GOPC: variants seen among roughly 807,000 people sequenced by gnomAD.
GOPC encodes Golgi-associated PDZ and coiled-coil motif-containing protein.
A neutral mutation model predicts 51.2 loss-of-function variants in GOPC; 32 were observed. The observed-to-expected ratio is 0.63, with a 90% confidence interval of 0.47 to 0.84. The LOEUF (loss-of-function observed/expected upper bound fraction) is 0.84. GOPC is among the 40% of genes least tolerant of loss of function. GOPC has a pLI of 0.00. For synonymous variants in GOPC, 190 were observed against 205.1 expected, an observed-to-expected ratio of 0.93 and a Z score of 0.63; for missense variants, 441 against 555.5, an observed-to-expected ratio of 0.79 and a Z score of 2.07.
At chr6:117,581,729 C>T (rs183726223) in intron 1 of GOPC, among the ~76,000 whole-genome samples, 1 of 152,312 alleles carries the variant, frequency 6.6e-6, no homozygotes, top group Non-Finnish European at 1.5e-5. Flanking sequence ...ATTCTACTTT[C>T]CCTCAACTTA....
chr6:117,586,118 T>A (rs1429399649), intron 1 of GOPC, among the ~76,000 whole-genome samples: 1 of 152,202 alleles, frequency 6.6e-6, no homozygotes, highest in Non-Finnish European at 1.5e-5. Context: ...AGGATGAAAG[T>A]ACAGATTGGA....
rs2114594949 is a variant in GOPC, at chr6:117,561,260, A to C, written c.*1994T>G. ...GTGACCTCATAAAAATTCCAACTTG[A>C]AGTTTTAAAAAACCACCTCTTCATA... is the stretch of plus-strand genomic sequence containing the variant. On this transcript the variant is annotated 3_prime_UTR_variant, in exon 9 of 9. Coordinates refer to ENST00000368498, the MANE Select transcript of GOPC (RefSeq NM_020399.4). The C allele has an allele frequency of 4.5e-6, 1 of 223,624 alleles. No homozygotes were observed. The highest frequency in any genetic ancestry group is 8.9e-6 in the Non-Finnish European group (1 of 112,028). The allele number at this position is 223,624 out of a possible 1,614,324, so 13.9% of individuals were successfully genotyped here.
intron 1 of GOPC, among the ~76,000 whole-genome samples, chr6:117,598,842 A>G (rs1364030735): frequency 1.3e-5 from 2 of 152,234 alleles, no homozygotes; most frequent in East Asian, 1.9e-4. Flanking sequence ...CTATAGCACC[A>G]TAAGATGATT....
intron 1 of GOPC, among the ~76,000 whole-genome samples, chr6:117,588,448 G>T (rs1208702808): frequency 5.3e-5 from 8 of 151,874 alleles, no homozygotes; most frequent in Non-Finnish European, 7.4e-5. Context: ...GCTAATTTTT[G>T]TATTTTTAGT....
intron 1 of GOPC, 105 bp from the exon 2 acceptor site, chr6:117,579,169 A>T (rs779475374): frequency 5.8e-5 from 47 of 814,898 alleles, no homozygotes; most frequent in Non-Finnish European, 8.3e-5. Context: ...TTTGAAATAA[A>T]TACACAAACA....
At chr6:117,570,818 T>C (rs757506695) in intron 6 of GOPC, 42 bp downstream of exon 6, 1 of 885,982 alleles carries the variant, frequency 1.1e-6, no homozygotes. Context: ...ATGATTATAC[T>C]AGATAACTGT....
rs994095651 is a variant in GOPC at position 117,562,096 on chromosome 6, T to G, written c.*1158A>C. The G allele has an allele frequency of 4.9e-5, 10 of 205,906 alleles. No individual in the cohort carries two copies. Among genetic ancestry groups the G allele is most frequent in the Non-Finnish European group, 8.9e-5 (9 of 100,736 alleles). The allele number at this position is 205,906 out of a possible 1,614,324, so 12.8% of individuals were successfully genotyped here. ...CTTTGCCTAGCAGGTTACAATGACC[T>G]GCAGAATATTAAATCAGAGAGGAGG... On this transcript the variant is annotated 3_prime_UTR_variant, in exon 9 of 9. Transcript: ENST00000368498.
intron 1 of GOPC, among the ~76,000 whole-genome samples, chr6:117,599,904 T>C (rs1771964660): frequency 6.6e-6 from 1 of 152,224 alleles, no homozygotes; most frequent in Admixed American, 6.5e-5. Flanking sequence ...AATCCCTGTT[T>C]AAAGTTTCCT....
chr6:117,571,708 A>G (rs1209244370), intron 5 of GOPC, among the ~76,000 whole-genome samples: 2 of 152,122 alleles, frequency 1.3e-5, no homozygotes, highest in Non-Finnish European at 2.9e-5. Flanking sequence ...CCCTACATGC[A>G]CAACTGGAAT....
intron 6 of GOPC, 121 bp downstream of exon 6, chr6:117,570,739 G>T: frequency 2.4e-6 from 1 of 417,920 alleles, no homozygotes; most frequent in South Asian, 8.3e-5. Context: ...TCCCCATGGG[G>T]ATAAATTTTA....
chr6:117,573,697 A>T, intron 4 of GOPC, 65 bp from the exon 5 acceptor site: 2 of 1,331,736 alleles, frequency 1.5e-6, no homozygotes, highest in Non-Finnish European at 2.0e-6. Context: ...ATTCAGGAAA[A>T]TTAGTGAACA....
intron 1 of GOPC, among the ~76,000 whole-genome samples, chr6:117,580,367 C>T (rs1779940256): frequency 6.6e-6 from 1 of 152,028 alleles, no homozygotes. Flanking sequence ...ATATCCATGG[C>T]TTTGACTATT....
intron 3 of GOPC, among the ~76,000 whole-genome samples, chr6:117,575,949 G>A (rs1779876125): frequency 6.6e-6 from 1 of 152,044 alleles, no homozygotes; most frequent in Non-Finnish European, 1.5e-5. Flanking sequence ...TGTTTCTATT[G>A]TATGGGCACT....
chr6:117,582,418 C>T (rs925728987), intron 1 of GOPC, among the ~76,000 whole-genome samples: 5 of 151,744 alleles, frequency 3.3e-5, no homozygotes, highest in African/African-American at 4.8e-5. Flanking sequence ...ACTTCCATCC[C>T]TGTGTGCCCA....
intron 4 of GOPC, among the ~76,000 whole-genome samples, chr6:117,574,786 AG>A (rs1769145344): frequency 6.6e-6 from 1 of 152,260 alleles, no homozygotes; most frequent in East Asian, 1.9e-4. Flanking sequence ...ATTTACCATA[AG>A]AAAAAAGAGT....
chr6:117,592,886 C>T (rs994474918), intron 1 of GOPC, among the ~76,000 whole-genome samples: 2 of 152,162 alleles, frequency 1.3e-5, no homozygotes, highest in Non-Finnish European at 1.5e-5. Context: ...GTCAATTCTC[C>T]TTCCTTAGTC....
chr6:117,579,083 G>C lies in GOPC; in HGVS notation c.286-19C>G, dbSNP rs531171609. On this transcript the variant is annotated intron_variant, in intron 1 of 8. Coordinates refer to ENST00000368498, the MANE Select transcript of GOPC (RefSeq NM_020399.4). Reference sequence around the variant, plus strand: ...ACTGTGCCTTATAAAGAAAACAATAGAAGAAATTAAGGATGCTTAATTTTC... The same window carrying C: ...ACTGTGCCTTATAAAGAAAACAATACAAGAAATTAAGGATGCTTAATTTTC... The C allele has an allele frequency of 6.4e-7, 1 of 1,569,306 alleles. No individual in the cohort carries two copies. The highest frequency in any genetic ancestry group is 8.6e-7 in the Non-Finnish European group (1 of 1,160,904).
At chr6:117,578,322 G>A (rs1368641580) in intron 2 of GOPC, among the ~76,000 whole-genome samples, 1 of 152,106 alleles carries the variant, frequency 6.6e-6, no homozygotes, top group Non-Finnish European at 1.5e-5. Context: ...GTTCTTTAAA[G>A]AAGGCTAACA....
chr6:117,575,342 A>G lies in GOPC; in HGVS notation c.485T>C (p.Leu162Pro). 1 of 1,605,770 alleles carries G rather than the reference A, an allele frequency of 6.2e-7. No homozygotes were observed. The highest frequency in any genetic ancestry group is 8.5e-7 in the Non-Finnish European group (1 of 1,175,556). ...CATTTTTTCTTTTTTGTTTGCCTCA[A>G]GCTCTCTTTCCTATGTAATTTTTAA... ...GPSVEELERELEANKKEKMKE... is the reference protein window; with the variant it reads ...GPSVEELEREPEANKKEKMKE... The change falls in exon 4 of 9, where the codon CTT becomes CCT. Residue 162 changes from leucine to proline, a missense_variant. Leu to Pro is a moderately conservative substitution (Grantham distance 98). Transcript: ENST00000368498.
Sources: allele counts gnomAD v4.1 joint callset (sites outside exome capture counted in the v4.1 genomes callset), GRCh38; gene constraint gnomAD v4.1.1; transcripts MANE v1.5; gene names NCBI Gene and HGNC (gene_info 2026-07-23, HGNC 2026-07-21).